SDK1: variants seen among roughly 807,000 people sequenced by gnomAD.
SDK1 encodes the protein sidekick cell adhesion molecule 1, also known as protein sidekick-1.
A neutral mutation model predicts 245.5 loss-of-function variants in SDK1; 157 were observed. The observed-to-expected ratio is 0.64, with a 90% CI of 0.56 to 0.73. SDK1 has a LOEUF of 0.73. Among genes scored for constraint, SDK1 ranks in the 30% least tolerant of loss-of-function variants. The pLI is 0.00. For synonymous variants in SDK1, 1,647 were observed against 1,278.5 expected (o/e 1.29, Z -6.15); for missense variants, 3,583 against 3,002.3 (o/e 1.19, Z -4.52).
chr7:3,733,566 A>G (rs567886049), intron 4 of SDK1, among the ~76,000 whole-genome samples: 1 of 152,112 alleles, frequency 6.6e-6, no homozygotes, highest in Non-Finnish European at 1.5e-5. Flanking sequence ...TCCCTCCTTG[A>G]ATCCCATGTT....
chr7:3,787,882 G>A lies in SDK1; in HGVS notation c.714-33568G>A, dbSNP rs78532211. Among the ~76,000 whole-genome samples, 173 of 152,306 alleles carry A rather than the reference G, an allele frequency of 1.1e-3. 1 individual carries two copies. The highest frequency in any genetic ancestry group is 4.0e-3 in the African/African-American group (168 of 41,574). ...ATTGGGGCCCTTCTACCTCAGGACCGCTGGAGTTTGTATGGCTGTCAGTGT... is the reference window on the plus strand; with the variant it reads ...ATTGGGGCCCTTCTACCTCAGGACCACTGGAGTTTGTATGGCTGTCAGTGT... On this transcript the variant is annotated intron_variant, in intron 4 of 44. Coordinates refer to ENST00000404826, the MANE Select transcript of SDK1 (RefSeq NM_152744.4).
At chr7:3,946,484 T>C (rs915158610) in intron 5 of SDK1, among the ~76,000 whole-genome samples, 28 of 152,148 alleles carry the variant, frequency 1.8e-4, no homozygotes, top group Non-Finnish European at 5.9e-5. Context: ...CTGCTAATTT[T>C]TTTTTTTTCT....
At chr7:4,221,507 A>G (rs1303023144) in intron 40 of SDK1, 143 bp downstream of exon 40, 91 of 1,017,192 alleles carry the variant, frequency 8.9e-5, no homozygotes, top group Non-Finnish European at 1.3e-4. Context: ...TGGTGAAAGA[A>G]GACATCCATG....
In SDK1 at chr7:4,256,352, G is replaced by C. The variant is rs557246847; in HGVS notation, c.6382-8772G>C. Among the ~76,000 whole-genome samples, 24 of 152,342 alleles carry C rather than the reference G, an allele frequency of 1.6e-4. No homozygotes were observed. In the South Asian group the frequency reaches 5.0e-3, roughly 32 times the overall value. ...CCTGGCCTTCATGGCTAGTAACTCT[G>C]ATATTCAGAGGGGACTGGGAAGAAA... is the stretch of plus-strand genomic sequence containing the variant. On this transcript the variant is annotated intron_variant, in intron 44 of 44. Coordinates refer to ENST00000404826, the MANE Select transcript of SDK1 (RefSeq NM_152744.4).
chr7:3,954,022 G>A (rs948408946), intron 7 of SDK1, among the ~76,000 whole-genome samples: 9 of 152,116 alleles, frequency 5.9e-5, no homozygotes, highest in African/African-American at 1.9e-4. Context: ...AGGGCCACCC[G>A]TAGGAGCACA....
chr7:3,929,478 T>C (rs142227631), intron 5 of SDK1, among the ~76,000 whole-genome samples: 102 of 152,344 alleles, frequency 6.7e-4, no homozygotes, highest in African/African-American at 2.3e-3. Context: ...CCTTAACTTA[T>C]AAGGAACCTA....
intron 20 of SDK1, among the ~76,000 whole-genome samples, chr7:4,068,682 A>G (rs1469960530): frequency 6.7e-6 from 1 of 150,140 alleles, no homozygotes; most frequent in Non-Finnish European, 1.5e-5. Flanking sequence ...TCTCTGTGGG[A>G]GACAGCTCAC....
Position 3,577,859 on chromosome 7 carries a change from C to T in SDK1, c.299-41221C>T, listed in dbSNP as rs1004160336. 2.6e-5 allele frequency among the ~76,000 whole-genome samples: 4 copies of T among 152,010 alleles called. No individual in the cohort carries two copies. In the South Asian group the frequency reaches 8.3e-4, roughly 31 times the overall value. On this transcript the variant is annotated intron_variant, in intron 1 of 44. Transcript: ENST00000404826. ...CCTCATCTCCTGCATTGCCTGGCAG[C>T]TCCTGTCATGTCCGTACGCCTTAGA...
chr7:4,096,432 A>G (rs1349127857), intron 22 of SDK1, among the ~76,000 whole-genome samples: 3 of 152,110 alleles, frequency 2.0e-5, no homozygotes, highest in Non-Finnish European at 4.4e-5. Context: ...ATGGTCACTG[A>G]GAGCTGGCTG....
At chr7:3,954,729 C>T (rs1225645548) in intron 7 of SDK1, among the ~76,000 whole-genome samples, 1 of 149,548 alleles carries the variant, frequency 6.7e-6, no homozygotes, top group African/African-American at 2.5e-5. Context: ...TCAGTTTCCA[C>T]ATCCATAAAA....
At position 4,233,067 on chromosome 7, in the gene SDK1, C is replaced by G. The variant is rs1032994781; in HGVS notation, c.5828-188C>G. On this transcript the variant is annotated intron_variant, in intron 40 of 44. Transcript: ENST00000404826. ...GTTGTTCTACAATCATCACACCATT[C>G]ATCTCCAGAACGCTCTTCGACTTGC... The G allele has an allele frequency of 2.5e-5, 14 of 568,080 alleles. No homozygotes were observed. The African/African-American group carries it at 2.6e-4, about 11-fold the overall frequency. 35.2% of individuals were successfully genotyped at this position (568,080 alleles called of 1,614,324 possible). A position where few individuals can be genotyped will look rare whatever the true frequency, so the allele number is the denominator to read the frequency against.
chr7:3,616,508 C>G (rs547037977), intron 1 of SDK1, among the ~76,000 whole-genome samples: 1 of 152,218 alleles, frequency 6.6e-6, no homozygotes, highest in Non-Finnish European at 1.5e-5. Context: ...GCCTGCTTAA[C>G]GGTTTGGAGT....
intron 1 of SDK1, among the ~76,000 whole-genome samples, chr7:3,427,544 G>C (rs1237336115): frequency 6.7e-6 from 1 of 149,594 alleles, no homozygotes; most frequent in Non-Finnish European, 1.5e-5. Flanking sequence ...AAAAAAATCA[G>C]AAGAATTGAG....
chr7:3,775,661 C>T (rs1780534399), intron 4 of SDK1, among the ~76,000 whole-genome samples: 1 of 151,578 alleles, frequency 6.6e-6, no homozygotes, highest in African/African-American at 2.4e-5. Flanking sequence ...ACTCCAAGCT[C>T]TGCTTCCCGG....
intron 1 of SDK1, among the ~76,000 whole-genome samples, chr7:3,371,168 T>C (rs1197058376): frequency 1.3e-5 from 2 of 152,146 alleles, no homozygotes; most frequent in East Asian, 1.9e-4. Context: ...TGTCACACGT[T>C]ACTAGCCAGG....
At chr7:3,541,221 G>A (rs950486145) in intron 1 of SDK1, among the ~76,000 whole-genome samples, 1 of 152,164 alleles carries the variant, frequency 6.6e-6, no homozygotes, top group Non-Finnish European at 1.5e-5. Context: ...GTTAATTGTC[G>A]AGAGTTTATA....
intron 5 of SDK1, among the ~76,000 whole-genome samples, chr7:3,842,688 T>C (rs1562483958): frequency 6.6e-6 from 1 of 152,104 alleles, no homozygotes; most frequent in African/African-American, 2.4e-5. Flanking sequence ...TGGGGTACCA[T>C]GACACCAGCA....
chr7:4,069,517 G>A (rs1780112017), intron 20 of SDK1, among the ~76,000 whole-genome samples: 1 of 152,208 alleles, frequency 6.6e-6, no homozygotes, highest in African/African-American at 2.4e-5. Context: ...TTGGAGCTGA[G>A]CTGCGTCTCC....
At chr7:3,721,825 C>G (rs543135345) in intron 4 of SDK1, among the ~76,000 whole-genome samples, 5 of 152,160 alleles carry the variant, frequency 3.3e-5, no homozygotes, top group Non-Finnish European at 5.9e-5. Context: ...AGGGCTTAGA[C>G]CGGTTGGCAT....
Sources: allele counts gnomAD v4.1 joint callset (sites outside exome capture counted in the v4.1 genomes callset), GRCh38; gene constraint gnomAD v4.1.1; transcripts MANE v1.5; gene names NCBI Gene and HGNC (gene_info 2026-07-23, HGNC 2026-07-21).